The following GAREM1 variants were observed in gnomAD, a reference collection of about 807,000 sequenced individuals.
The protein encoded by GAREM1 is GRB2 associated regulator of MAPK1 subtype 1.
Under a neutral mutation model 71.3 loss-of-function variants are expected in GAREM1, and 26 were observed. The ratio of observed to expected loss-of-function variants is 0.36; its 90% CI spans 0.27 to 0.51. The LOEUF (loss-of-function observed/expected upper bound fraction) is 0.51, where lower values mean the gene tolerates loss of function less well. GAREM1 is among the 20% of genes least tolerant of loss of function. The pLI is 0.95. For synonymous variants in GAREM1, 440 were observed against 433.2 expected (o/e 1.02, Z -0.20); for missense variants, 1,026 against 1,103.1 (o/e 0.93, Z 0.99).
chr18:32,322,874 C>T (rs2047443305), intron 2 of GAREM1, among the ~76,000 whole-genome samples: 1 of 152,176 alleles, frequency 6.6e-6, no homozygotes, highest in South Asian at 2.1e-4. Flanking sequence ...AATTAGACCG[C>T]AGTGCCGTAA....
chr18:32,384,435 C>A (rs185648794), intron 2 of GAREM1, among the ~76,000 whole-genome samples: 5 of 152,282 alleles, frequency 3.3e-5, no homozygotes, highest in African/African-American at 1.2e-4. Flanking sequence ...ATTTATTTTG[C>A]CACTGGTGGT....
intron 2 of GAREM1, among the ~76,000 whole-genome samples, chr18:32,379,744 C>A (rs550552192): frequency 6.6e-6 from 1 of 151,028 alleles, no homozygotes; most frequent in Non-Finnish European, 1.5e-5. Flanking sequence ...AGAGAATTAG[C>A]GATAGAAGAG....
At chr18:32,268,908 G>GT in intron 5 of GAREM1, 140 bp from the exon 6 acceptor site, 1 of 637,946 alleles carries the variant, frequency 1.6e-6, no homozygotes, top group Non-Finnish European at 2.6e-6. Flanking sequence ...AACTTCACTG[G>GT]GTTTTTTTTT....
At chr18:32,270,457 C>T in intron 4 of GAREM1, 74 bp from the exon 5 acceptor site, 1 of 1,326,066 alleles carries the variant, frequency 7.5e-7, no homozygotes, top group Non-Finnish European at 1.0e-6. Context: ...ATCCTGAAGA[C>T]TTGCTCAAGT....
At chr18:32,354,922 C>T (rs2047789680) in intron 2 of GAREM1, among the ~76,000 whole-genome samples, 2 of 152,102 alleles carry the variant, frequency 1.3e-5, no homozygotes. Flanking sequence ...CCAGAAAATT[C>T]CATATACAAA....
intron 2 of GAREM1, among the ~76,000 whole-genome samples, chr18:32,342,925 A>G (rs1455329807): frequency 2.6e-5 from 4 of 152,152 alleles, no homozygotes; most frequent in African/African-American, 9.7e-5. Context: ...TGTACTAAAC[A>G]ATTTGGCAGA....
intron 2 of GAREM1, among the ~76,000 whole-genome samples, chr18:32,340,544 G>T (rs1034880684): frequency 6.6e-6 from 1 of 152,148 alleles, no homozygotes; most frequent in African/African-American, 2.4e-5. Flanking sequence ...ACAGAGACTT[G>T]CAGGCAACAA....
intron 1 of GAREM1, among the ~76,000 whole-genome samples, chr18:32,443,319 C>T (rs2048757785): frequency 1.3e-5 from 2 of 152,124 alleles, no homozygotes; most frequent in South Asian, 4.2e-4. Flanking sequence ...AATTTTTGTG[C>T]TTCAAAGGAT....
At chr18:32,347,085 C>T (rs910964406) in intron 2 of GAREM1, among the ~76,000 whole-genome samples, 1 of 152,158 alleles carries the variant, frequency 6.6e-6, no homozygotes, top group South Asian at 2.1e-4. Flanking sequence ...AATATGCATA[C>T]ACTGTGTCCT....
intron 4 of GAREM1, among the ~76,000 whole-genome samples, chr18:32,283,471 C>G (rs750330543): frequency 2.0e-4 from 30 of 152,010 alleles, no homozygotes; most frequent in Non-Finnish European, 3.1e-4. Context: ...CACTTGAACC[C>G]GGGAGACGGA....
At chr18:32,399,524 AG>A (rs2048290897) in intron 1 of GAREM1, among the ~76,000 whole-genome samples, 1 of 152,240 alleles carries the variant, frequency 6.6e-6, no homozygotes, top group South Asian at 2.1e-4. Flanking sequence ...CTTATACAAC[AG>A]TAACAGACAA....
intron 2 of GAREM1, among the ~76,000 whole-genome samples, chr18:32,371,072 A>ATT (rs2047973603): frequency 1.3e-5 from 2 of 152,108 alleles, no homozygotes; most frequent in African/African-American, 4.8e-5. Context: ...CCAAGGAAGC[A>ATT]TCAGAAGAGG....
At chr18:32,457,871 C>A (rs189899756) in intron 1 of GAREM1, among the ~76,000 whole-genome samples, 2 of 151,966 alleles carry the variant, frequency 1.3e-5, no homozygotes, top group Non-Finnish European at 2.9e-5. Flanking sequence ...ACCCATCAAC[C>A]CCTGGATCTA....
chr18:32,302,467 G>A (rs1161589583), intron 3 of GAREM1, among the ~76,000 whole-genome samples: 1 of 152,080 alleles, frequency 6.6e-6, no homozygotes, highest in Non-Finnish European at 1.5e-5. Flanking sequence ...CTTATATGAT[G>A]TTTTCTCCAA....
At chr18:32,357,243 G>A (rs1040044170) in intron 2 of GAREM1, among the ~76,000 whole-genome samples, 2 of 152,166 alleles carry the variant, frequency 1.3e-5, no homozygotes, top group Admixed American at 6.5e-5. Flanking sequence ...CTGGGAGGCC[G>A]AAGCAGGAGG....
intron 1 of GAREM1, among the ~76,000 whole-genome samples, chr18:32,418,288 C>T (rs973958930): frequency 6.6e-6 from 1 of 152,076 alleles, no homozygotes; most frequent in African/African-American, 2.4e-5. Flanking sequence ...TACAGAGTTC[C>T]GTGATGAGTC....
chr18:32,448,308 A>T (rs2048802824), intron 1 of GAREM1, among the ~76,000 whole-genome samples: 1 of 152,206 alleles, frequency 6.6e-6, no homozygotes. Flanking sequence ...GTAATCAATA[A>T]AAAATGTAAA....
At chr18:32,460,789 T>C (rs1259507125) in intron 1 of GAREM1, among the ~76,000 whole-genome samples, 2 of 152,160 alleles carry the variant, frequency 1.3e-5, no homozygotes, top group Admixed American at 1.3e-4. Context: ...AGTTGACTAG[T>C]TTCTAAGATT....
intron 3 of GAREM1, among the ~76,000 whole-genome samples, chr18:32,298,762 CATAAG>C (rs3840899): frequency 0.081 from 12,383 of 152,054 alleles, 884 homozygotes; most frequent in African/African-American, 0.19. Flanking sequence ...AATTCCAACT[CATAAG>C]ATAAAATCAG....
Sources: gnomAD v4.1 joint callset for allele counts (sites outside exome capture counted in the v4.1 genomes callset) on GRCh38, gnomAD v4.1.1 for gene constraint, MANE v1.5 for transcripts, NCBI Gene and HGNC (gene_info 2026-07-23, HGNC 2026-07-21) for gene names.